Variants in CNKSR2 observed in about 807,000 individuals in gnomAD.
The protein encoded by CNKSR2 is CNK homolog protein 2.
Under a neutral mutation model 84.4 loss-of-function variants are expected in CNKSR2, and 14 were observed. The ratio of observed to expected loss-of-function variants is 0.17; its 90% CI spans 0.11 to 0.26. CNKSR2 has a LOEUF of 0.26. Ranked by LOEUF, CNKSR2 falls within the 10% of genes least tolerant of loss-of-function variation. The pLI, the probability that CNKSR2 is intolerant of heterozygous loss-of-function variation, is 1.00. For missense variants in CNKSR2, 485 were observed against 771.2 expected, an observed-to-expected ratio of 0.63 and a Z score of 4.40; for synonymous variants, 275 against 277.9, an observed-to-expected ratio of 0.99 and a Z score of 0.10.
At chrX:21,594,656 G>A (rs1013746391) in intron 15 of CNKSR2, 4 of 144,348 alleles carry the variant, frequency 2.8e-5, no homozygotes, top group African/African-American at 1.3e-4. Context: ...TTATAGAAGT[G>A]TATGTATGTT....
intron 4 of CNKSR2, among the ~76,000 whole-genome samples, chrX:21,456,165 G>A (rs1242740783): frequency 9.0e-6 from 1 of 111,728 alleles, no homozygotes; most frequent in African/African-American, 3.2e-5. Context: ...CCACAAACAA[G>A]CTAATTAACA....
intron 4 of CNKSR2, among the ~76,000 whole-genome samples, chrX:21,459,096 C>A (rs1353407092): frequency 3.0e-5 from 3 of 101,584 alleles, no homozygotes; most frequent in Non-Finnish European, 5.9e-5. Flanking sequence ...AATCTCAGCT[C>A]ACTGCAATGC....
intron 7 of CNKSR2, among the ~76,000 whole-genome samples, chrX:21,500,695 A>T (rs1255938383): frequency 9.0e-6 from 1 of 110,970 alleles, no homozygotes; most frequent in Non-Finnish European, 1.9e-5. Flanking sequence ...ACTCCTTAAA[A>T]CTTGTCAGTA....
intron 5 of CNKSR2, among the ~76,000 whole-genome samples, chrX:21,478,340 G>A (rs1404726807): frequency 9.0e-6 from 1 of 111,481 alleles, no homozygotes; most frequent in African/African-American, 3.3e-5. Flanking sequence ...TGCAGGAAAG[G>A]AAAAATGAGA....
rs762666233 is a variant in CNKSR2 at position 21,648,999 on chromosome X, G to A, written c.2861G>A (p.Arg954Gln). 4.2e-5 allele frequency: 50 copies of A among 1,194,954 alleles called. No individual in the cohort carries two copies. Among genetic ancestry groups the A allele is most frequent in the Admixed American group, 9.2e-5 (4 of 43,584 alleles). Residue 954 changes from arginine (R) to glutamine (Q), a missense_variant, in exon 21 of 22, where the codon CGG (arginine) becomes CAG (glutamine). By Grantham distance (43) the Arg-to-Gln change is conservative. Around this residue, in one of 5 missense-constraint regions of CNKSR2, gnomAD observed 210 missense variants for 291.5 expected, o/e 0.72. Transcript: ENST00000379510. ...CCTGTAATGAATGAAAAACTACACC[G>A]GCTGAGAATTCTCAAAAGCACTTTA... ...NDPVMNEKLH[R>Q]LRILKSTLKA... is the part of the protein sequence containing the mutation.
At chrX:21,402,217 A>C (rs1032574924) in intron 1 of CNKSR2, among the ~76,000 whole-genome samples, 3 of 111,421 alleles carry the variant, frequency 2.7e-5, no homozygotes, top group African/African-American at 9.8e-5. Flanking sequence ...ATATTGTGTC[A>C]TTGGATAAGT....
At chrX:21,632,003 T>G (rs1212594581) in intron 20 of CNKSR2, among the ~76,000 whole-genome samples, 6 of 112,227 alleles carry the variant, frequency 5.3e-5, no homozygotes, top group Non-Finnish European at 1.1e-4. Context: ...AAAACAGCAA[T>G]ACCTCCATTA....
chrX:21,429,914 A>G (rs2090613081), intron 2 of CNKSR2: 1 of 111,676 alleles, frequency 9.0e-6, no homozygotes, highest in African/African-American at 3.3e-5. Flanking sequence ...ATAAAATAAA[A>G]TAAATTTTAA....
intron 1 of CNKSR2, among the ~76,000 whole-genome samples, chrX:21,402,087 C>G (rs1281105835): frequency 9.0e-6 from 1 of 110,685 alleles, no homozygotes; most frequent in Non-Finnish European, 1.9e-5. Flanking sequence ...TTATTTTTCT[C>G]TAGTTCATCT....
At chrX:21,408,842 T>C (rs1355947800) in intron 1 of CNKSR2, among the ~76,000 whole-genome samples, 4 of 110,468 alleles carry the variant, frequency 3.6e-5, no homozygotes, top group African/African-American at 1.3e-4. Flanking sequence ...TGAAACTAGG[T>C]TTTTCAGCAG....
chrX:21,404,451 T>G (rs892277327), intron 1 of CNKSR2, among the ~76,000 whole-genome samples: 3 of 111,194 alleles, frequency 2.7e-5, no homozygotes, highest in African/African-American at 9.8e-5. Flanking sequence ...ATTCATTTCT[T>G]AAAACCTTTA....
intron 1 of CNKSR2, among the ~76,000 whole-genome samples, chrX:21,388,275 C>A (rs1398243462): frequency 9.0e-6 from 1 of 111,556 alleles, no homozygotes; most frequent in Non-Finnish European, 1.9e-5. Context: ...ATAGAGTGTA[C>A]AAGAGAAAAT....
At chrX:21,556,489 C>T (rs1461743091) in intron 11 of CNKSR2, among the ~76,000 whole-genome samples, 1 of 111,213 alleles carries the variant, frequency 9.0e-6, no homozygotes, top group Non-Finnish European at 1.9e-5. Flanking sequence ...TTTTGCTTAG[C>T]TCTGAAGGAT....
intron 9 of CNKSR2, among the ~76,000 whole-genome samples, chrX:21,524,535 A>G (rs1321463828): frequency 9.0e-6 from 1 of 111,191 alleles, no homozygotes; most frequent in Non-Finnish European, 1.9e-5. Context: ...GGGAAAAGAC[A>G]CAAGTACCCT....
intron 13 of CNKSR2, among the ~76,000 whole-genome samples, chrX:21,564,315 A>G (rs1338095550): frequency 3.6e-5 from 4 of 111,706 alleles, no homozygotes; most frequent in Non-Finnish European, 3.8e-5. Context: ...AAATCGGCCT[A>G]TTGGATCTCT....
At chrX:21,610,436 C>G (rs1363287237) in intron 20 of CNKSR2, among the ~76,000 whole-genome samples, 2 of 112,347 alleles carry the variant, frequency 1.8e-5, no homozygotes, top group East Asian at 2.8e-4. Flanking sequence ...GGCTGTAACT[C>G]AGTTATTTTA....
chrX:21,513,251 A>G (rs2091693461), intron 8 of CNKSR2, among the ~76,000 whole-genome samples: 1 of 111,691 alleles, frequency 9.0e-6, no homozygotes, highest in Admixed American at 9.5e-5. Context: ...GAAATATTAG[A>G]AAGATGTGTA....
Position 21,530,521 on chromosome X carries a change from T to C in CNKSR2, c.1092-1335T>C, listed in dbSNP as rs185925664. On this transcript the variant is annotated intron_variant, in intron 10 of 21. Coordinates refer to ENST00000379510, the MANE Select transcript of CNKSR2 (RefSeq NM_014927.5). ...ATAATAGGAATTAATTAAAAATTTG[T>C]TCTTTTTATCTGTCTTGTTATAATT... Among the ~76,000 whole-genome samples the C allele has an allele frequency of 2.0e-3, 222 of 111,700 alleles. 1 individual carries two copies. The highest frequency in any genetic ancestry group is 3.5e-3 in the Non-Finnish European group (183 of 52,773).
intron 3 of CNKSR2, among the ~76,000 whole-genome samples, chrX:21,438,744 T>G (rs2090743706): frequency 9.0e-6 from 1 of 111,099 alleles, no homozygotes; most frequent in African/African-American, 3.3e-5. Context: ...GGAAAAATAT[T>G]TGCAACAAAC....
Sources: gnomAD v4.1 joint callset for allele counts (sites outside exome capture counted in the v4.1 genomes callset) on GRCh38, gnomAD v4.1.1 for gene constraint, gnomAD v4.1.1 regional missense constraint, MANE v1.5 for transcripts, NCBI Gene and HGNC (gene_info 2026-07-23, HGNC 2026-07-21) for gene names.